Variants in PTPRO observed in about 807,000 individuals in gnomAD.
PTPRO encodes the protein protein tyrosine phosphatase receptor type O.
In PTPRO, 62 loss-of-function variants were observed where a neutral mutation model predicts 145.2. The observed-to-expected ratio is 0.43, with a 90% CI of 0.35 to 0.53. The LOEUF is 0.53. Ranked by LOEUF, PTPRO falls within the 20% of genes least tolerant of loss-of-function variation. The pLI is 0.01. For missense variants in PTPRO, 1,345 were observed against 1,482.7 expected, an observed-to-expected ratio of 0.91 and a Z score of 1.53; for synonymous variants, 565 against 514.7, an observed-to-expected ratio of 1.10 and a Z score of -1.32.
At chr12:15,573,760 C>A (rs1441542102) in intron 19 of PTPRO, among the ~76,000 whole-genome samples, 1 of 152,130 alleles carries the variant, frequency 6.6e-6, no homozygotes, top group East Asian at 1.9e-4. Context: ...CCATTCTGCC[C>A]CCTACATCCT....
intron 1 of PTPRO, among the ~76,000 whole-genome samples, chr12:15,481,889 A>G (rs958359144): frequency 2.6e-5 from 4 of 152,182 alleles, no homozygotes; most frequent in African/African-American, 7.2e-5. Flanking sequence ...ACAAAAATCA[A>G]TAAGTTAAAC....
Position 15,508,615 on chromosome 12 carries a change from C to T in PTPRO, c.1312C>T (p.His438Tyr). Residue 438 changes from histidine to tyrosine, a missense_variant, in exon 7 of 27, where the codon CAC (histidine) becomes TAC (tyrosine). His to Tyr is a moderately conservative substitution (Grantham distance 83). Coordinates refer to ENST00000281171, the MANE Select transcript of PTPRO (RefSeq NM_030667.3). Reference sequence around the variant, plus strand: ...TGAAGAACTGACCGAGAAGCCGCAGCACGTGAGTGTCCACGTTTTAAGCTC... The same window carrying T: ...TGAAGAACTGACCGAGAAGCCGCAGTACGTGAGTGTCCACGTTTTAAGCTC... ...WIEELTEKPQ[H>Y]VSVHVLSSTT... The T allele has an allele frequency of 1.2e-6, 2 of 1,614,086 alleles. No individual in the cohort carries two copies. Among genetic ancestry groups the T allele is most frequent in the South Asian group, 1.1e-5 (1 of 91,070 alleles).
rs369495823 is a variant in PTPRO, at chr12:15,503,954, T to G, written c.1152T>G (p.Phe384Leu). 7 of 1,590,900 alleles carry G rather than the reference T, an allele frequency of 4.4e-6. No homozygotes were observed. The African/African-American group carries it at 9.4e-5, about 21-fold the overall frequency. ...YLMVDEEAHE[F>L]VAELKEPGKY... ...TGGTGGATGAAGAAGCACATGAATT[T>G]GTTGCAGAACTGAAGGAACCTGGGA... The change falls in exon 6 of 27, where the codon TTT becomes TTG. Residue 384 changes from phenylalanine (F) to leucine (L), a missense_variant. Physicochemically the swap from Phe to Leu is conservative, Grantham distance 22 (BLOSUM62 0). Transcript: ENST00000281171.
intron 25 of PTPRO, among the ~76,000 whole-genome samples, chr12:15,592,525 G>C (rs138224076): frequency 4.9e-4 from 74 of 152,238 alleles, no homozygotes; most frequent in Middle Eastern, 3.4e-3. Flanking sequence ...GGTGCAACAT[G>C]CTGCCTGGAC....
chr12:15,420,518 G>C (rs1039992454), intron 1 of PTPRO, among the ~76,000 whole-genome samples: 1 of 151,494 alleles, frequency 6.6e-6, no homozygotes, highest in African/African-American at 2.4e-5. Flanking sequence ...GTTCCTTCCC[G>C]TCTTACCACA....
At chr12:15,422,023 G>A (rs1345656574) in intron 1 of PTPRO, among the ~76,000 whole-genome samples, 3 of 151,522 alleles carry the variant, frequency 2.0e-5, no homozygotes, top group Admixed American at 6.6e-5. Context: ...TATGAAGCTC[G>A]CCCATTTAAA....
intron 1 of PTPRO, among the ~76,000 whole-genome samples, chr12:15,446,216 T>G (rs1940896944): frequency 6.6e-6 from 1 of 152,192 alleles, no homozygotes; most frequent in African/African-American, 2.4e-5. Flanking sequence ...TTTCAAATTA[T>G]ATGGGTTTTG....
intron 12 of PTPRO, among the ~76,000 whole-genome samples, chr12:15,537,602 G>A (rs1457691181): frequency 2.6e-5 from 4 of 151,900 alleles, no homozygotes; most frequent in South Asian, 4.2e-4. Context: ...CCATGGTGAC[G>A]GGAAAAAAAA....
intron 8 of PTPRO, among the ~76,000 whole-genome samples, chr12:15,516,469 GA>G (rs1021036178): frequency 1.5e-5 from 2 of 133,838 alleles, no homozygotes; most frequent in Non-Finnish European, 3.2e-5. Context: ...GAAAGAGAGA[GA>G]AAAAGAAAAA....
chr12:15,346,169 A>G (rs992975211), intron 1 of PTPRO, among the ~76,000 whole-genome samples: 2 of 152,120 alleles, frequency 1.3e-5, no homozygotes, highest in African/African-American at 4.8e-5. Context: ...AACTGCTTAT[A>G]TCTTCACCCT....
At chr12:15,493,380 A>T (rs996342396) in intron 2 of PTPRO, among the ~76,000 whole-genome samples, 6 of 152,132 alleles carry the variant, frequency 3.9e-5, no homozygotes, top group Admixed American at 2.6e-4. Context: ...AAAAAAGGTG[A>T]ATCTAGAGGA....
intron 12 of PTPRO, among the ~76,000 whole-genome samples, chr12:15,528,304 C>T (rs1399425332): frequency 6.7e-6 from 1 of 148,568 alleles, no homozygotes; most frequent in African/African-American, 2.5e-5. Flanking sequence ...ATCACGAGGT[C>T]AGGAGATCAA....
chr12:15,541,463 C>T (rs895350062), intron 12 of PTPRO, among the ~76,000 whole-genome samples: 1 of 152,182 alleles, frequency 6.6e-6, no homozygotes, highest in Admixed American at 6.5e-5. Context: ...CAAAATACCA[C>T]AGACTGGGTG....
chr12:15,363,180 G>A (rs915008444), intron 1 of PTPRO, among the ~76,000 whole-genome samples: 13 of 152,082 alleles, frequency 8.5e-5, no homozygotes, highest in African/African-American at 3.1e-4. Flanking sequence ...CATAGAACAA[G>A]GTTTGAAATG....
At chr12:15,421,143 T>C (rs1940132901) in intron 1 of PTPRO, among the ~76,000 whole-genome samples, 1 of 152,224 alleles carries the variant, frequency 6.6e-6, no homozygotes, top group Admixed American at 6.5e-5. Flanking sequence ...AGTTTCCCTT[T>C]AAATGCTTCT....
intron 1 of PTPRO, among the ~76,000 whole-genome samples, chr12:15,387,891 C>T (rs1374912967): frequency 6.6e-6 from 1 of 152,132 alleles, no homozygotes; most frequent in African/African-American, 2.4e-5. Flanking sequence ...TTACTATTGT[C>T]ATGCTGGAAT....
intron 19 of PTPRO, among the ~76,000 whole-genome samples, chr12:15,569,970 G>A (rs1944003796): frequency 6.6e-6 from 1 of 152,126 alleles, no homozygotes; most frequent in Non-Finnish European, 1.5e-5. Flanking sequence ...AGGACTCCTG[G>A]CATTCTACTT....
intron 15 of PTPRO, among the ~76,000 whole-genome samples, chr12:15,557,032 G>GTT (rs552264784): frequency 8.1e-4 from 113 of 139,914 alleles, no homozygotes; most frequent in East Asian, 1.7e-3. Flanking sequence ...CTTTTATTTT[G>GTT]TTTTTTTTTT....
chr12:15,419,728 C>A (rs950677396), intron 1 of PTPRO, among the ~76,000 whole-genome samples: 3 of 146,214 alleles, frequency 2.1e-5, no homozygotes, highest in African/African-American at 8.0e-5. Context: ...AAAGCTAGTT[C>A]TTTGGTGTTT....
Sources: allele counts gnomAD v4.1 joint callset (sites outside exome capture counted in the v4.1 genomes callset), GRCh38; gene constraint gnomAD v4.1.1; transcripts MANE v1.5; gene names NCBI Gene and HGNC (gene_info 2026-07-23, HGNC 2026-07-21).